The following L3MBTL3 variants were observed in gnomAD, a reference collection of about 807,000 sequenced individuals.
L3MBTL3 encodes L3MBTL histone methyl-lysine binding protein 3, also known as lethal(3)malignant brain tumor-like protein 3.
In L3MBTL3, 27 loss-of-function variants were observed where a neutral mutation model predicts 102.3. The observed-to-expected ratio is 0.26, with a 90% CI of 0.19 to 0.36. The LOEUF is 0.36. L3MBTL3 is among the 10% of genes least tolerant of loss of function. The probability of loss-of-function intolerance (pLI) is 1.00; values close to 1 mark genes in which losing one functional copy is unlikely to be tolerated. For missense variants in L3MBTL3, 798 were observed against 955.3 expected, an observed-to-expected ratio of 0.84 and a Z score of 2.17; for synonymous variants, 340 against 320.9, an observed-to-expected ratio of 1.06 and a Z score of -0.64.
chr6:130,087,471 C>G (rs560501799), intron 16 of L3MBTL3, among the ~76,000 whole-genome samples: 1 of 151,916 alleles, frequency 6.6e-6, no homozygotes, highest in South Asian at 2.1e-4. Flanking sequence ...TCAGATTGCT[C>G]AGAATTGAAA....
intron 18 of L3MBTL3, among the ~76,000 whole-genome samples, chr6:130,095,321 A>C (rs534298376): frequency 2.0e-5 from 3 of 152,072 alleles, no homozygotes; most frequent in Non-Finnish European, 4.4e-5. Flanking sequence ...TTTCATGTGG[A>C]TATAGTTTTC....
In L3MBTL3 at chr6:130,104,477, T is replaced by G. The variant is rs1377835482; in HGVS notation, c.1788T>G (p.Phe596Leu). Reference sequence around the variant, plus strand: ...TCAATTTGAATAAAGACCGTATTTTTCCAGACCGCTTAAGTGGTGAGATGC... The same window carrying G: ...TCAATTTGAATAAAGACCGTATTTTGCCAGACCGCTTAAGTGGTGAGATGC... Reference protein sequence around the residue: ...SEINLNKDRIFPDRLSGEMPP... With the variant: ...SEINLNKDRILPDRLSGEMPP... Residue 596 changes from phenylalanine to leucine, a missense_variant, in exon 19 of 23, where the codon TTT becomes TTG. Transcript: ENST00000361794. The G allele has an allele frequency of 2.5e-6, 4 of 1,602,076 alleles. No individual in the cohort carries two copies. Among genetic ancestry groups the G allele is most frequent in the Non-Finnish European group, 2.6e-6 (3 of 1,174,504 alleles).
At chr6:130,115,904 CT>C (rs561513506) in intron 19 of L3MBTL3, among the ~76,000 whole-genome samples, 8 of 151,990 alleles carry the variant, frequency 5.3e-5, no homozygotes, top group Non-Finnish European at 1.5e-5. Flanking sequence ...TTTCCATGCA[CT>C]TTTTTTTAGG....
chr6:130,093,505 A>T (rs1353321549), intron 17 of L3MBTL3, among the ~76,000 whole-genome samples: 1 of 152,208 alleles, frequency 6.6e-6, no homozygotes, highest in African/African-American at 2.4e-5. Flanking sequence ...GCATAAGGGC[A>T]CATGTACATG....
In L3MBTL3 at chr6:130,075,964, A is replaced by C. The variant is rs557458471; in HGVS notation, c.1245-2594A>C. 2.3e-4 allele frequency among the ~76,000 whole-genome samples: 35 copies of C among 152,330 alleles called. No homozygotes were observed. In the South Asian group the frequency reaches 6.8e-3, roughly 30 times the overall value. On this transcript the variant is annotated intron_variant, in intron 13 of 22. Transcript: ENST00000361794. ...AAGCTTGAAGCAAATTAATATTTCAAACAGCTACTGTGGGTAATAGAATTG... is the reference window on the plus strand; with the variant it reads ...AAGCTTGAAGCAAATTAATATTTCACACAGCTACTGTGGGTAATAGAATTG...
intron 13 of L3MBTL3, among the ~76,000 whole-genome samples, chr6:130,074,842 C>G (rs1562288854): frequency 6.6e-6 from 1 of 152,102 alleles, no homozygotes; most frequent in Non-Finnish European, 1.5e-5. Context: ...ACAAAAAGAT[C>G]TGTGAAAAAG....
chr6:130,042,875 T>C (rs1297682321), intron 3 of L3MBTL3, 74 bp downstream of exon 3: 6 of 984,500 alleles, frequency 6.1e-6, no homozygotes, highest in South Asian at 5.4e-5. Flanking sequence ...TGGATACATA[T>C]GTGAAATAAA....
chr6:130,088,911 GCA>G (rs753264448), intron 16 of L3MBTL3, among the ~76,000 whole-genome samples: 5 of 152,034 alleles, frequency 3.3e-5, no homozygotes, highest in Admixed American at 6.6e-5. Flanking sequence ...TCACTGTTGA[GCA>G]AAGTAGTCTT....
intron 19 of L3MBTL3, among the ~76,000 whole-genome samples, chr6:130,105,995 TTC>T (rs1188589602): frequency 2.0e-5 from 3 of 152,194 alleles, no homozygotes; most frequent in Non-Finnish European, 4.4e-5. Context: ...GTGTTCTGTC[TTC>T]TGTTCACGTG....
In L3MBTL3 at chr6:130,139,597, TC is replaced by T. The variant is rs763286443; in HGVS notation, c.2200-8del. ...GTTAATCCACATTCTGTTGTTTTTT[TC>T]CCCCATTTTAGCAAATTGATGGAGA... On this transcript the variant is annotated splice_polypyrimidine_tract_variant and intron_variant, in intron 22 of 22. Coordinates refer to ENST00000361794, the MANE Select transcript of L3MBTL3 (RefSeq NM_032438.4). The T allele has an allele frequency of 1.7e-5, 28 of 1,610,322 alleles. 2 individuals carry two copies. The South Asian group carries it at 2.7e-4, about 16-fold the overall frequency.
At chr6:130,104,915 AC>A (rs1428082470) in intron 19 of L3MBTL3, among the ~76,000 whole-genome samples, 1 of 152,174 alleles carries the variant, frequency 6.6e-6, no homozygotes, top group Non-Finnish European at 1.5e-5. Flanking sequence ...CATAGAGTCA[AC>A]CTTTATCAGT....
intron 20 of L3MBTL3, 52 bp downstream of exon 20, chr6:130,121,010 C>T: frequency 9.2e-7 from 1 of 1,085,688 alleles, no homozygotes; most frequent in African/African-American, 1.6e-5. Context: ...TAATATGAAA[C>T]AATCAAAGCC....
At chr6:130,106,525 C>CTGCCACTTCCCCTTTT (rs775899277) in intron 19 of L3MBTL3, among the ~76,000 whole-genome samples, 2 of 152,210 alleles carry the variant, frequency 1.3e-5, no homozygotes, top group Non-Finnish European at 2.9e-5. Context: ...GCCTCCCTTT[C>CTGCCACTTCCCCTTTT]TGCCACTTCC....
intron 12 of L3MBTL3, among the ~76,000 whole-genome samples, chr6:130,068,764 C>A (rs1458809128): frequency 6.6e-6 from 1 of 152,080 alleles, no homozygotes; most frequent in Non-Finnish European, 1.5e-5. Context: ...TTCACATAGC[C>A]AGATGAAGGT....
intron 14 of L3MBTL3, among the ~76,000 whole-genome samples, chr6:130,082,568 A>C (rs939991611): frequency 6.6e-6 from 1 of 152,122 alleles, no homozygotes; most frequent in Non-Finnish European, 1.5e-5. Context: ...TCCTTTTGAA[A>C]TGTTCTTATC....
intron 13 of L3MBTL3, among the ~76,000 whole-genome samples, chr6:130,072,000 C>T (rs955711827): frequency 6.6e-5 from 10 of 151,858 alleles, no homozygotes; most frequent in African/African-American, 2.2e-4. Context: ...TATATGTTAC[C>T]TACGCTTTTT....
rs148263906 is a variant in L3MBTL3, at chr6:130,066,286, G to GTATATATA, written c.865-57_865-50dup. ...GCCTGGTGTCCATGTTTATTTTTGT[G>GTATATATA]TATATATATATATATATGAATATTC... On this transcript the variant is annotated intron_variant, in intron 10 of 22. Coordinates refer to ENST00000361794, the MANE Select transcript of L3MBTL3 (RefSeq NM_032438.4). The GTATATATA allele has an allele frequency of 4.8e-3, 1,875 of 387,414 alleles. 22 individuals carry two copies. Among genetic ancestry groups the GTATATATA allele is most frequent in the Middle Eastern group, 9.9e-3 (10 of 1,008 alleles). 24.0% of individuals were successfully genotyped at this position (387,414 alleles called of 1,614,324 possible). A position where few individuals can be genotyped will look rare whatever the true frequency, so the allele number is the denominator to read the frequency against.
chr6:130,128,187 A>T (rs1232164457), intron 20 of L3MBTL3, among the ~76,000 whole-genome samples: 1 of 152,036 alleles, frequency 6.6e-6, no homozygotes, highest in African/African-American at 2.4e-5. Context: ...TTTAGTAGTG[A>T]TTAGGGTTAG....
rs1036846030 is a variant in L3MBTL3 at position 130,100,263 on chromosome 6, G to A, written c.1737-4163G>A. Reference sequence around the variant, plus strand: ...TTTACAGATGAAACAGAATCTCGGAGCCTGTGCTTGCTCATTATTGAGTGG... The same window carrying A: ...TTTACAGATGAAACAGAATCTCGGAACCTGTGCTTGCTCATTATTGAGTGG... On this transcript the variant is annotated intron_variant, in intron 18 of 22. Coordinates refer to ENST00000361794, the MANE Select transcript of L3MBTL3 (RefSeq NM_032438.4). 4.6e-5 allele frequency among the ~76,000 whole-genome samples: 7 copies of A among 152,290 alleles called. No individual in the cohort carries two copies. The South Asian group carries it at 6.2e-4, about 14-fold the overall frequency.
Sources: gnomAD v4.1 joint callset for allele counts (sites outside exome capture counted in the v4.1 genomes callset) on GRCh38, gnomAD v4.1.1 for gene constraint, MANE v1.5 for transcripts, NCBI Gene and HGNC (gene_info 2026-07-23, HGNC 2026-07-21) for gene names.